CNTLN: variants seen among roughly 807,000 people sequenced by gnomAD.
CNTLN encodes the protein centlein.
Under a neutral mutation model 180.0 loss-of-function variants are expected in CNTLN, and 212 were observed. That is an observed-to-expected ratio of 1.18 (90% CI 1.05 to 1.32). The LOEUF (loss-of-function observed/expected upper bound fraction) is 1.32. Among genes scored for constraint, CNTLN ranks in the 40% most tolerant of loss-of-function variants. The pLI is 0.00. For synonymous variants in CNTLN, 722 were observed against 563.1 expected (o/e 1.28, Z -3.99); for missense variants, 2,095 against 1,610.9 (o/e 1.30, Z -5.14).
At chr9:17,195,402 C>T (rs919472554) in intron 2 of CNTLN, among the ~76,000 whole-genome samples, 3 of 152,120 alleles carry the variant, frequency 2.0e-5, no homozygotes, top group Non-Finnish European at 4.4e-5. Flanking sequence ...GTATCCTTTG[C>T]TTCTTGATGA....
intron 8 of CNTLN, among the ~76,000 whole-genome samples, chr9:17,314,906 T>G (rs1394917672): frequency 6.6e-6 from 1 of 152,236 alleles, no homozygotes. Flanking sequence ...CTATTTTAAC[T>G]GATTTTTTAA....
In CNTLN at chr9:17,376,613, G is replaced by A. The variant is rs554593188; in HGVS notation, c.1987+9896G>A. ...ACTGCAGGCGCCCACCACCTTGCCC[G>A]GCTAATTTTTTGTATTTTTAGTAGA... On this transcript the variant is annotated intron_variant, in intron 13 of 25. Coordinates refer to ENST00000380647, the MANE Select transcript of CNTLN (RefSeq NM_017738.4). Among the ~76,000 whole-genome samples the A allele has an allele frequency of 1.3e-3, 202 of 151,892 alleles. 1 individual carries two copies. The highest frequency in any genetic ancestry group is 4.3e-3 in the Admixed American group (65 of 15,254).
chr9:17,315,617 T>C (rs1475270186), intron 8 of CNTLN, among the ~76,000 whole-genome samples: 1 of 152,038 alleles, frequency 6.6e-6, no homozygotes, highest in East Asian at 1.9e-4. Context: ...ACACACATAT[T>C]AGACCTTTTC....
chr9:17,511,265 G>C, the CNTLN span, among the ~76,000 whole-genome samples: 1 of 152,198 alleles, frequency 6.6e-6, no homozygotes, highest in East Asian at 1.9e-4. Context: ...CTATTACCTG[G>C]ACAATCACCT....
chr9:17,284,594 T>A (rs1828864368), intron 6 of CNTLN, among the ~76,000 whole-genome samples: 1 of 152,166 alleles, frequency 6.6e-6, no homozygotes, highest in African/African-American at 2.4e-5. Context: ...TTCTGTGGGG[T>A]CAGTGGTGAC....
chr9:17,416,584 T>G (rs920252059), intron 18 of CNTLN, among the ~76,000 whole-genome samples: 11 of 152,218 alleles, frequency 7.2e-5, no homozygotes, highest in African/African-American at 2.4e-4. Context: ...ATTATTAAAC[T>G]AATATATTCA....
intron 4 of CNTLN, 121 bp from the exon 5 acceptor site, chr9:17,236,288 A>G (rs1245856451): frequency 1.3e-6 from 1 of 766,166 alleles, no homozygotes; most frequent in Non-Finnish European, 2.0e-6. Flanking sequence ...TATCAAATAT[A>G]GAAGAAGCTT....
intron 2 of CNTLN, among the ~76,000 whole-genome samples, chr9:17,219,430 T>C (rs770521236): frequency 1.3e-5 from 2 of 152,120 alleles, no homozygotes; most frequent in Non-Finnish European, 2.9e-5. Flanking sequence ...TTTCCTGTTA[T>C]GAAAATGTTA....
At chr9:17,487,939 C>A (rs867566509) in intron 25 of CNTLN, among the ~76,000 whole-genome samples, 3 of 151,978 alleles carry the variant, frequency 2.0e-5, no homozygotes, top group African/African-American at 7.2e-5. Flanking sequence ...CATTATAGTT[C>A]TTTCGGCTTA....
intron 5 of CNTLN, among the ~76,000 whole-genome samples, chr9:17,249,360 T>C (rs1053141316): frequency 8.0e-5 from 12 of 149,522 alleles, no homozygotes; most frequent in Admixed American, 2.7e-4. Flanking sequence ...TTTTGTTTTT[T>C]TTTTTTGAGC....
At chr9:17,506,006 G>T (rs1402722190), downstream of CNTLN, among the ~76,000 whole-genome samples, 1 of 151,772 alleles carries the variant, frequency 6.6e-6, no homozygotes, top group Non-Finnish European at 1.5e-5. Context: ...TGAGACAAAG[G>T]TTCAAAAGCA....
At chr9:17,185,329 T>C (rs891324442) in intron 2 of CNTLN, among the ~76,000 whole-genome samples, 2 of 152,232 alleles carry the variant, frequency 1.3e-5, no homozygotes, top group African/African-American at 4.8e-5. Context: ...TTCATGATTT[T>C]GCCAGAAACT....
At chr9:17,287,544 C>T (rs1478302391) in intron 6 of CNTLN, among the ~76,000 whole-genome samples, 1 of 150,712 alleles carries the variant, frequency 6.6e-6, no homozygotes, top group African/African-American at 2.4e-5. Flanking sequence ...GGAGGATTCC[C>T]TCTTTTTCTA....
intron 14 of CNTLN, among the ~76,000 whole-genome samples, chr9:17,394,121 C>A (rs1007528025): frequency 6.6e-6 from 1 of 151,872 alleles, no homozygotes; most frequent in Non-Finnish European, 1.5e-5. Context: ...ATTGTCATTC[C>A]TTTTTCATAT....
At chr9:17,294,604 G>T (rs1817669208) in intron 6 of CNTLN, among the ~76,000 whole-genome samples, 1 of 150,050 alleles carries the variant, frequency 6.7e-6, no homozygotes. Context: ...AGACTCAGGA[G>T]CCCAGCTGGC....
At chr9:17,478,467 A>T (rs1330815961) in intron 23 of CNTLN, among the ~76,000 whole-genome samples, 2 of 152,066 alleles carry the variant, frequency 1.3e-5, no homozygotes, top group African/African-American at 4.8e-5. Context: ...ATTTCTAAAA[A>T]AATCATTGTC....
At chr9:17,171,632 A>G (rs576716920) in intron 2 of CNTLN, among the ~76,000 whole-genome samples, 8 of 152,104 alleles carry the variant, frequency 5.3e-5, no homozygotes, top group African/African-American at 1.9e-4. Flanking sequence ...GTGCCTATGG[A>G]GTGGCCATGG....
intron 2 of CNTLN, among the ~76,000 whole-genome samples, chr9:17,213,533 T>C (rs1823490891): frequency 1.3e-5 from 2 of 152,250 alleles, no homozygotes; most frequent in South Asian, 4.1e-4. Flanking sequence ...GTATATTCTG[T>C]TGACTTGGGG....
chr9:17,482,139 G>A (rs1832680850), intron 23 of CNTLN, among the ~76,000 whole-genome samples: 1 of 152,094 alleles, frequency 6.6e-6, no homozygotes, highest in East Asian at 1.9e-4. Context: ...ATTCAGATTA[G>A]CCCTCTTAAA....
Sources: gnomAD v4.1 joint callset for allele counts (sites outside exome capture counted in the v4.1 genomes callset) on GRCh38, gnomAD v4.1.1 for gene constraint, MANE v1.5 for transcripts, NCBI Gene and HGNC (gene_info 2026-07-23, HGNC 2026-07-21) for gene names.